ACE: variants seen among roughly 807,000 people sequenced by gnomAD.
The protein encoded by ACE is angiotensin-converting enzyme.
In ACE, 122 loss-of-function variants were observed where a neutral mutation model predicts 162.3. The ratio of observed to expected loss-of-function variants is 0.75; its 90% CI spans 0.65 to 0.87. The LOEUF (loss-of-function observed/expected upper bound fraction) is 0.87. Among genes scored for constraint, ACE ranks in the 40% least tolerant of loss-of-function variants. The probability of loss-of-function intolerance (pLI) is 0.00; values close to 1 mark genes in which losing one functional copy is unlikely to be tolerated. For synonymous variants in ACE, 796 were observed against 720.6 expected (o/e 1.10, Z -1.68); for missense variants, 1,799 against 1,735.1 (o/e 1.04, Z -0.65).
Position 63,485,784 on chromosome 17 carries a change from A to AC in ACE, c.2058+412_2058+413insC, listed in dbSNP as rs1165915899. The AC allele has an allele frequency of 4.6e-5, 11 of 238,026 alleles. No homozygotes were observed. The South Asian group carries it at 4.8e-4, about 10-fold the overall frequency. 14.7% of individuals were successfully genotyped at this position (238,026 alleles called of 1,614,324 possible). Reference sequence around the variant, plus strand: ...AGCGAGACTCCATCAAAAAAAAAAAAAAAAAAAACTCAATTTCAGATTTTG... The same window carrying AC: ...AGCGAGACTCCATCAAAAAAAAAAAACAAAAAAAACTCAATTTCAGATTTTG... On this transcript the variant is annotated intron_variant, in intron 13 of 24. Transcript: ENST00000290866.
Position 63,489,076 on chromosome 17 carries a change from G to A in ACE, c.2585G>A (p.Arg862His), listed in dbSNP as rs756018518. Residue 862 changes from arginine (R) to histidine (H), a missense_variant, in exon 17 of 25, where the codon CGT becomes CAT. Physicochemically the swap from Arg to His is conservative, Grantham distance 29 (BLOSUM62 0). Transcript: ENST00000290866. Reference sequence around the variant, plus strand: ...GCCTACGTGCGCCGGGCCCTGCACCGTCACTACGGGGCCCAGCACATCAAC... The same window carrying A: ...GCCTACGTGCGCCGGGCCCTGCACCATCACTACGGGGCCCAGCACATCAAC... ...LHAYVRRALH[R>H]HYGAQHINLE... 25 of 1,613,522 alleles carry A rather than the reference G, an allele frequency of 1.5e-5. No homozygotes were observed. The highest frequency in any genetic ancestry group is 8.8e-5 in the South Asian group (8 of 91,090).
intron 13 of ACE, 185 bp from the exon 14 acceptor site, chr17:63,486,372 G>A: frequency 1.5e-6 from 1 of 672,120 alleles, no homozygotes; most frequent in Non-Finnish European, 2.6e-6. Flanking sequence ...TCCAGGGAGG[G>A]TGAGTACTGC....
chr17:63,490,836 A>C, intron 17 of ACE, 118 bp from the exon 18 acceptor site: 1 of 988,002 alleles, frequency 1.0e-6, no homozygotes. Flanking sequence ...GTAGGTGCTC[A>C]AGAAATGCCA....
chr17:63,485,538 T>C, intron 13 of ACE, 166 bp downstream of exon 13: 1 of 935,222 alleles, frequency 1.1e-6, no homozygotes, highest in Non-Finnish European at 1.6e-6. Flanking sequence ...CCCAGCACTT[T>C]GGGAGGGGGA....
chr17:63,494,333 C>T lies in ACE; in HGVS notation c.3282-39C>T, dbSNP rs754326259. ...AAAATGCCACCCCCAGCCTGGTTCT[C>T]CCCAAACTCATCTTCCAACATATAT... On this transcript the variant is annotated intron_variant, in intron 21 of 24. Coordinates refer to ENST00000290866, the MANE Select transcript of ACE (RefSeq NM_000789.4). 1.7e-5 allele frequency: 27 copies of T among 1,596,140 alleles called. No individual in the cohort carries two copies. The South Asian group carries it at 3.0e-4, about 18-fold the overall frequency.
chr17:63,481,211 GGGTGGTGGGGGTC>G, intron 6 of ACE, 23 bp downstream of exon 6: 4 of 1,592,842 alleles, frequency 2.5e-6, no homozygotes, highest in Non-Finnish European at 3.4e-6. Context: ...CTCAAGCCTG[GGGTGGTGGGGGTC>G]GGGGGTGGGG....
At chr17:63,497,108 C>T (rs2030804103) in intron 24 of ACE, 29 bp from the exon 25 acceptor site, 22 of 1,597,514 alleles carry the variant, frequency 1.4e-5, no homozygotes, top group Non-Finnish European at 1.9e-5. Context: ...CCCTGCCCTG[C>T]CCATGCTGTC....
chr17:63,484,026 G>A lies in ACE; in HGVS notation c.1709+55G>A. ...AGGCAGAGAGGAGCGGCTGGCAAAG[G>A]GTGTGGCAGGAGGTGTCTGGCTGCT... is the stretch of plus-strand genomic sequence containing the variant. On this transcript the variant is annotated intron_variant, in intron 11 of 24. Coordinates refer to ENST00000290866, the MANE Select transcript of ACE (RefSeq NM_000789.4). This position sits in a 1 kb window ranked among gnomAD's most constrained non-coding sequence, Gnocchi z 4.0. 1 of 1,559,818 alleles carries A rather than the reference G, an allele frequency of 6.4e-7. No homozygotes were observed. Among genetic ancestry groups the A allele is most frequent in the East Asian group, 2.4e-5 (1 of 41,792 alleles).
chr17:63,481,332 G>T, intron 6 of ACE, 144 bp downstream of exon 6: 1 of 924,194 alleles, frequency 1.1e-6, no homozygotes, highest in South Asian at 1.5e-5. Context: ...GCTGGGGTCG[G>T]CCCCCTCAGT....
chr17:63,478,043 T>C lies in ACE; in HGVS notation c.362T>C (p.Ile121Thr), dbSNP rs1416423148. The C allele has an allele frequency of 1.2e-6, 2 of 1,605,448 alleles. No individual in the cohort carries two copies. Among genetic ancestry groups the C allele is most frequent in the African/African-American group, 1.3e-5 (1 of 74,880 alleles). ...ACGGACCCGCAGCTGCGCAGGATCATCGGAGCTGTGCGCACCCTGGGCTCT... is the reference window on the plus strand; with the variant it reads ...ACGGACCCGCAGCTGCGCAGGATCACCGGAGCTGTGCGCACCCTGGGCTCT... ...NFTDPQLRRI[I>T]GAVRTLGSAN... is the part of the protein sequence containing the mutation. Residue 121 changes from isoleucine to threonine, a missense_variant, in exon 2 of 25, where the codon ATC becomes ACC. By Grantham distance (89) the Ile-to-Thr change is moderately conservative. Coordinates refer to ENST00000290866, the MANE Select transcript of ACE (RefSeq NM_000789.4).
intron 12 of ACE, chr17:63,485,015 C>T (rs980857256): frequency 8.3e-5 from 134 of 1,611,360 alleles, no homozygotes; most frequent in Non-Finnish European, 1.0e-4. Flanking sequence ...AACCAGCAGC[C>T]AGACAACCAC....
chr17:63,481,159 C>T lies in ACE; in HGVS notation c.916C>T (p.Leu306Phe). The T allele has an allele frequency of 1.9e-6, 3 of 1,613,526 alleles. No homozygotes were observed. The highest frequency in any genetic ancestry group is 2.2e-5 in the East Asian group (1 of 44,854). Residue 306 changes from leucine (L) to phenylalanine (F), a missense_variant, in exon 6 of 25, where the codon CTC (leucine) becomes TTC (phenylalanine). Transcript: ENST00000290866. The part of the protein sequence containing the change: ...MVVPFPDKPN[L>F]DVTSTMLQQG... Reference sequence around the variant, plus strand: ...GGTGCCTTTCCCAGACAAGCCCAACCTCGATGTCACCAGTACTATGCTGCA... The same window carrying T: ...GGTGCCTTTCCCAGACAAGCCCAACTTCGATGTCACCAGTACTATGCTGCA...
Position 63,489,103 on chromosome 17 carries a change from T to A in ACE, c.2612T>A (p.Leu871Gln), listed in dbSNP as rs1272138201. The change falls in exon 17 of 25, where the codon CTG becomes CAG. Residue 871 changes from leucine to glutamine, a missense_variant. Physicochemically the swap from Leu to Gln is moderately radical, Grantham distance 113. Transcript: ENST00000290866. Reference protein sequence around the residue: ...HRHYGAQHINLEGPIPAHLLG... With the variant: ...HRHYGAQHINQEGPIPAHLLG... ...CACTACGGGGCCCAGCACATCAACC[T>A]GGAGGGGCCCATTCCTGCTCACCTG... 3 of 1,612,250 alleles carry A rather than the reference T, an allele frequency of 1.9e-6. No homozygotes were observed. Among genetic ancestry groups the A allele is most frequent in the Non-Finnish European group, 2.5e-6 (3 of 1,180,000 alleles).
At position 63,484,576 on chromosome 17, in the gene ACE, G is replaced by A. The variant is rs2029863423; in HGVS notation, c.1921+35G>A. 9.4e-6 allele frequency: 15 copies of A among 1,588,688 alleles called. No homozygotes were observed. The highest frequency in any genetic ancestry group is 1.3e-5 in the African/African-American group (1 of 74,626). On this transcript the variant is annotated intron_variant, in intron 12 of 24. Coordinates refer to ENST00000290866, the MANE Select transcript of ACE (RefSeq NM_000789.4). The surrounding 1 kb of genome is among the most constrained non-coding windows in gnomAD (Gnocchi z 4.0). ...TGAGTGAGGATGGTGTGGGGCTAAG[G>A]TGGGTCCTCAACTCTGGGCTTGGCC...
chr17:63,485,790 A>AC (rs1311975727), intron 13 of ACE: 2 of 241,282 alleles, frequency 8.3e-6, no homozygotes, highest in East Asian at 1.1e-4. Flanking sequence ...AAAAAAAAAA[A>AC]AACTCAATTT....
At position 63,477,998 on chromosome 17, in the gene ACE, A is replaced by G. The variant is rs1279075366; in HGVS notation, c.317A>G (p.Glu106Gly). 1.2e-6 allele frequency: 2 copies of G among 1,612,028 alleles called. No homozygotes were observed. The highest frequency in any genetic ancestry group is 1.7e-6 in the Non-Finnish European group (2 of 1,179,440). Residue 106 changes from glutamate to glycine, a missense_variant, in exon 2 of 25, where the codon GAA becomes GGA. Physicochemically the swap from Glu to Gly is moderately conservative, Grantham distance 98. Coordinates refer to ENST00000290866, the MANE Select transcript of ACE (RefSeq NM_000789.4). ...GGCCAGAAGGCCAAGGAGCTGTATG[A>G]ACCGATCTGGCAGAACTTCACGGAC... ...AWGQKAKELY[E>G]PIWQNFTDPQ...
Position 63,477,949 on chromosome 17 carries a change from A to G in ACE, c.268A>G (p.Ser90Gly), listed in dbSNP as rs751050925. 1.5e-5 allele frequency: 24 copies of G among 1,611,600 alleles called. 1 individual carries two copies. In the South Asian group the frequency reaches 2.7e-4, roughly 18 times the overall value. Residue 90 changes from serine to glycine, a missense_variant, in exon 2 of 25, where the codon AGC (serine) becomes GGC (glycine). Ser to Gly is a moderately conservative substitution (Grantham distance 56). Transcript: ENST00000290866. ...ARRQEEAALL[S>G]QEFAEAWGQK... ...CCAATAGGAGGAAGCAGCCCTGCTC[A>G]GCCAGGAGTTTGCGGAGGCCTGGGG...
intron 3 of ACE, 141 bp downstream of exon 3, chr17:63,479,241 G>C: frequency 1.4e-6 from 1 of 738,760 alleles, no homozygotes. Flanking sequence ...GGGGCTGGAC[G>C]GTGCAGATAC....
chr17:63,496,683 C>A, intron 23 of ACE, 115 bp from the exon 24 acceptor site: 1 of 1,570,038 alleles, frequency 6.4e-7, no homozygotes, highest in Non-Finnish European at 8.7e-7. Context: ...GCACCTGGAG[C>A]CCTGGGGCCC....
Sources: gnomAD v4.1 joint callset for allele counts on GRCh38, gnomAD v4.1.1 for gene constraint, Gnocchi (gnomAD v3.1) non-coding constraint, MANE v1.5 for transcripts, NCBI Gene and HGNC (gene_info 2026-07-23, HGNC 2026-07-21) for gene names.